Variants in SCN7A observed in about 807,000 individuals in gnomAD.
SCN7A encodes the protein sodium voltage-gated channel alpha subunit 7, also known as sodium channel protein type 7 subunit alpha.
Under a neutral mutation model 155.2 loss-of-function variants are expected in SCN7A, and 138 were observed. That is an observed-to-expected ratio of 0.89 (90% CI 0.77 to 1.02). SCN7A has a LOEUF of 1.02. Among genes scored for constraint, SCN7A ranks in the 50% least tolerant of loss-of-function variants. The pLI, the probability that SCN7A is intolerant of heterozygous loss-of-function variation, is 0.00. For synonymous variants in SCN7A, 693 were observed against 649.0 expected (o/e 1.07, Z -1.03); for missense variants, 2,058 against 1,986.6 (o/e 1.04, Z -0.68).
intron 19 of SCN7A, 42 bp downstream of exon 19, chr2:166,423,217 A>C: frequency 6.3e-7 from 1 of 1,575,976 alleles, no homozygotes; most frequent in South Asian, 1.2e-5. Flanking sequence ...TGAGGAAGAA[A>C]AAGTAAATCA....
At chr2:166,448,764 T>G (rs1037751296) in intron 11 of SCN7A, among the ~76,000 whole-genome samples, 1 of 152,228 alleles carries the variant, frequency 6.6e-6, no homozygotes, top group Non-Finnish European at 1.5e-5. Context: ...TAGTTTAGGA[T>G]TATTGCAAAG....
intron 21 of SCN7A, among the ~76,000 whole-genome samples, chr2:166,413,981 G>GTGTGTATATATATATATATATATA (rs1553513525): frequency 1.9e-5 from 1 of 53,502 alleles, no homozygotes; most frequent in Non-Finnish European, 3.5e-5. Context: ...ATGTGTATGT[G>GTGTGTATATATATATATATATATA]TATATATATA....
chr2:166,476,286 A>T (rs1702795496), intron 3 of SCN7A, among the ~76,000 whole-genome samples: 1 of 152,012 alleles, frequency 6.6e-6, no homozygotes. Flanking sequence ...ATTAAAAAAA[A>T]AATCACTTTG....
intron 19 of SCN7A, among the ~76,000 whole-genome samples, chr2:166,421,553 A>G (rs1701511791): frequency 6.6e-6 from 1 of 152,050 alleles, no homozygotes; most frequent in Admixed American, 6.6e-5. Flanking sequence ...TTAGTGAGAT[A>G]AATAAAAGTT....
intron 3 of SCN7A, among the ~76,000 whole-genome samples, chr2:166,475,133 T>TATATATATATATATACGTATATATATAG (rs1702767818): frequency 7.0e-6 from 1 of 141,900 alleles, no homozygotes; most frequent in Admixed American, 7.2e-5. Flanking sequence ...TATATATATA[T>TATATATATATATATACGTATATATATAG]ATATACACAC....
chr2:166,443,272 G>T (rs1701997436), intron 14 of SCN7A, among the ~76,000 whole-genome samples: 1 of 152,038 alleles, frequency 6.6e-6, no homozygotes, highest in South Asian at 2.1e-4. Flanking sequence ...TCCTAAAACT[G>T]TATCTCAAAT....
intron 9 of SCN7A, 56 bp from the exon 10 acceptor site, chr2:166,462,586 T>C (rs1702439291): frequency 6.5e-7 from 1 of 1,541,150 alleles, no homozygotes; most frequent in East Asian, 2.3e-5. Flanking sequence ...CAGATTATGG[T>C]CAAATCATAA....
In SCN7A at chr2:166,406,335, T is replaced by A. The variant is rs752911716; in HGVS notation, c.4294A>T (p.Ile1432Leu). The A allele has an allele frequency of 3.1e-6, 5 of 1,613,164 alleles. No homozygotes were observed. Among genetic ancestry groups the A allele is most frequent in the Non-Finnish European group, 4.2e-6 (5 of 1,179,406 alleles). The change falls in exon 26 of 26, where the codon ATA (isoleucine) becomes TTA (leucine). Residue 1432 changes from isoleucine (I) to leucine (L), a missense_variant. Ile to Leu is a conservative substitution (Grantham distance 5). Coordinates refer to ENST00000643258, the MANE Select transcript of SCN7A (RefSeq NM_002976.4). The stretch of plus-strand genomic sequence containing the variant: ...AGCATCCCATCCCAACCAGCAAATA[T>A]TGCAACTTGAAAAAGACAGAGCATA... ...NSMLCLFQVAIFAGWDGMLDA... is the reference protein window; with the variant it reads ...NSMLCLFQVALFAGWDGMLDA...
In SCN7A at chr2:166,465,761, C is replaced by A; in HGVS notation, c.871+20G>T. On this transcript the variant is annotated intron_variant, in intron 8 of 25. Transcript: ENST00000643258. ...AACGAAAGTTTCAATTTTTGATATA[C>A]ATGGCAAGGTGATTCTTACCTCGAA... 6.2e-7 allele frequency: 1 copy of A among 1,611,020 alleles called. No individual in the cohort carries two copies. The highest frequency in any genetic ancestry group is 8.5e-7 in the Non-Finnish European group (1 of 1,177,684).
At chr2:166,414,271 C>CATAT (rs1177888543) in intron 21 of SCN7A, among the ~76,000 whole-genome samples, 20 of 27,756 alleles carry the variant, frequency 7.2e-4, no homozygotes, top group African/African-American at 8.7e-4. Flanking sequence ...TATACACACA[C>CATAT]ATATATATAT....
chr2:166,407,839 C>T (rs1374277463), intron 25 of SCN7A, among the ~76,000 whole-genome samples: 4 of 151,912 alleles, frequency 2.6e-5, no homozygotes, highest in Admixed American at 2.0e-4. Flanking sequence ...GTTTGCTGCA[C>T]CTATCGACCT....
In SCN7A at chr2:166,421,234, A is replaced by G. The variant is rs763898640; in HGVS notation, c.3091T>C (p.Phe1031Leu). 2.0e-6 allele frequency: 3 copies of G among 1,535,682 alleles called. No individual in the cohort carries two copies. The highest frequency in any genetic ancestry group is 1.2e-5 in the South Asian group (1 of 80,038). Residue 1031 changes from phenylalanine to leucine, a missense_variant, in exon 20 of 26, where the codon TTC becomes CTC. Phe to Leu is a conservative substitution (Grantham distance 22, BLOSUM62 0). Coordinates refer to ENST00000643258, the MANE Select transcript of SCN7A (RefSeq NM_002976.4). ...EELKPLISMK[F>L]LRPLRVLSQF... is the part of the protein sequence containing the mutation. ...GATAGAACTCTGAGGGGCCGAAGGA[A>G]TTTCATGGAAATAAGAGGTTTTAGT...
At chr2:166,471,315 A>C (rs953916646) in intron 6 of SCN7A, among the ~76,000 whole-genome samples, 5 of 151,874 alleles carry the variant, frequency 3.3e-5, no homozygotes, top group Admixed American at 2.0e-4. Flanking sequence ...TGGGGTTAAT[A>C]ATACTTTCTG....
At chr2:166,428,079 T>C (rs1451121831) in intron 17 of SCN7A, 137 bp from the exon 18 acceptor site, 6 of 949,802 alleles carry the variant, frequency 6.3e-6, no homozygotes, top group Non-Finnish European at 9.2e-6. Context: ...TATAAACATT[T>C]AATTTTTACC....
chr2:166,472,507 A>G, intron 5 of SCN7A, 62 bp from the exon 6 acceptor site: 1 of 1,307,302 alleles, frequency 7.6e-7, no homozygotes, highest in Non-Finnish European at 1.1e-6. Context: ...ACTCTGAAAT[A>G]CTATGTTTAT....
chr2:166,440,332 A>G (rs1701932102), intron 15 of SCN7A, among the ~76,000 whole-genome samples: 1 of 152,192 alleles, frequency 6.6e-6, no homozygotes, highest in South Asian at 2.1e-4. Flanking sequence ...GCAGTGTTAC[A>G]TTTAAGTGCT....
intron 11 of SCN7A, among the ~76,000 whole-genome samples, chr2:166,449,434 G>A (rs1381783157): frequency 6.6e-6 from 1 of 152,022 alleles, no homozygotes; most frequent in Non-Finnish European, 1.5e-5. Context: ...AAGTTCTGCT[G>A]TGGTATATCT....
At chr2:166,427,730 C>T in intron 18 of SCN7A, 58 bp downstream of exon 18, 3 of 1,477,200 alleles carry the variant, frequency 2.0e-6, no homozygotes, top group Non-Finnish European at 2.8e-6. Context: ...TCTGAATTAA[C>T]AGAATCATGA....
intron 7 of SCN7A, among the ~76,000 whole-genome samples, chr2:166,469,128 G>A (rs1173198613): frequency 6.6e-6 from 1 of 150,790 alleles, no homozygotes; most frequent in Non-Finnish European, 1.5e-5. Flanking sequence ...ATTCTGGTCT[G>A]TTTTCAGGAT....
Sources: gnomAD v4.1 joint callset for allele counts (sites outside exome capture counted in the v4.1 genomes callset) on GRCh38, gnomAD v4.1.1 for gene constraint, MANE v1.5 for transcripts, NCBI Gene and HGNC (gene_info 2026-07-23, HGNC 2026-07-21) for gene names.